Variants in SFMBT2 observed in about 807,000 individuals in gnomAD.
SFMBT2 encodes Scm like with four mbt domains 2.
A neutral mutation model predicts 110.1 loss-of-function variants in SFMBT2; 38 were observed. The observed-to-expected ratio is 0.35, with a 90% CI of 0.27 to 0.45. The LOEUF (loss-of-function observed/expected upper bound fraction) is 0.45, where lower values mean the gene tolerates loss of function less well. Among genes scored for constraint, SFMBT2 ranks in the 20% least tolerant of loss-of-function variants. SFMBT2 has a pLI of 1.00. For synonymous variants in SFMBT2, 425 were observed against 425.4 expected (o/e 1.00, Z 0.01); for missense variants, 1,011 against 1,094.9 (o/e 0.92, Z 1.08).
intron 1 of SFMBT2, among the ~76,000 whole-genome samples, chr10:7,410,361 C>T (rs888594652): frequency 6.6e-6 from 1 of 152,262 alleles, no homozygotes; most frequent in African/African-American, 2.4e-5. Flanking sequence ...CCCACCCAAA[C>T]CAAAAGAAAG....
intron 8 of SFMBT2, among the ~76,000 whole-genome samples, chr10:7,247,679 CAG>C (rs1840661253): frequency 6.6e-6 from 1 of 152,146 alleles, no homozygotes; most frequent in African/African-American, 2.4e-5. Context: ...GAAATTAAAA[CAG>C]ATTTAAATCT....
intron 7 of SFMBT2, among the ~76,000 whole-genome samples, chr10:7,264,516 C>T (rs562055740): frequency 6.6e-6 from 1 of 152,218 alleles, no homozygotes; most frequent in South Asian, 2.1e-4. Flanking sequence ...CCTGTAACCT[C>T]CATGAGGTAC....
At chr10:7,219,180 C>T (rs1839641232) in intron 11 of SFMBT2, among the ~76,000 whole-genome samples, 4 of 152,192 alleles carry the variant, frequency 2.6e-5, no homozygotes. Context: ...GTTCACCCAA[C>T]TCTAGGTGGA....
intron 7 of SFMBT2, among the ~76,000 whole-genome samples, chr10:7,264,461 T>G (rs540478909): frequency 6.6e-6 from 1 of 152,334 alleles, no homozygotes; most frequent in South Asian, 2.1e-4. Context: ...TGCTCTGTTC[T>G]GAGTCCAGAT....
chr10:7,303,965 C>T lies in SFMBT2; in HGVS notation c.437-18011G>A, dbSNP rs150613831. The stretch of plus-strand genomic sequence containing the variant: ...TTCCTGCATGTTACTAAGGATCCTG[C>T]GACACCCGACAGAAGGTGCTGGCCG... On this transcript the variant is annotated intron_variant, in intron 4 of 20. Coordinates refer to ENST00000397167, the MANE Select transcript of SFMBT2 (RefSeq NM_001387889.1). 2.8e-3 allele frequency among the ~76,000 whole-genome samples: 430 copies of T among 152,240 alleles called. 2 individuals are homozygous for T. The highest frequency in any genetic ancestry group is 9.8e-3 in the African/African-American group (406 of 41,526).
At chr10:7,407,457 T>C (rs967869089) in intron 1 of SFMBT2, among the ~76,000 whole-genome samples, 2 of 152,032 alleles carry the variant, frequency 1.3e-5, no homozygotes, top group Non-Finnish European at 2.9e-5. Flanking sequence ...CTCGTCTAAA[T>C]TGGTTTCCCA....
At chr10:7,315,868 C>A (rs377126964) in intron 4 of SFMBT2, among the ~76,000 whole-genome samples, 1 of 152,208 alleles carries the variant, frequency 6.6e-6, no homozygotes, top group East Asian at 1.9e-4. Context: ...TAATGTAAAA[C>A]CTGTACAACA....
Position 7,188,636 on chromosome 10 carries a change from G to A in SFMBT2, c.1796C>T (p.Thr599Met), listed in dbSNP as rs200601568. 372 of 1,612,888 alleles carry A rather than the reference G, an allele frequency of 2.3e-4. 1 individual carries two copies. Among genetic ancestry groups the A allele is most frequent in the South Asian group, 4.7e-4 (43 of 90,872 alleles). Residue 599 changes from threonine to methionine, a missense_variant, in exon 16 of 21, where the codon ACG becomes ATG. Thr to Met is a moderately conservative substitution (Grantham distance 81). This residue lies in a region of SFMBT2 where 979 missense variants were observed against 1,016.1 expected (regional missense o/e 0.96). Coordinates refer to ENST00000397167, the MANE Select transcript of SFMBT2 (RefSeq NM_001387889.1). ...EDPHWNFQEE[T>M]LKAKYRGKTY... ...TGAAAACACTTACTTGGCCTTCAGC[G>A]TCTCTTCCTGGAAATTCCAGTGGGG...
chr10:7,276,116 T>C (rs1243491306), intron 7 of SFMBT2, among the ~76,000 whole-genome samples: 1 of 152,252 alleles, frequency 6.6e-6, no homozygotes, highest in Non-Finnish European at 1.5e-5. Context: ...AGCATAATTT[T>C]TGAAGTGTAA....
chr10:7,172,889 C>G lies in SFMBT2; in HGVS notation c.1985-228G>C, dbSNP rs1038673805. Reference sequence around the variant, plus strand: ...CGTCCCCAGTGTTGAAGCCCAAACCCCCAAAGTGAGTGTATCTGGATGTCC... The same window carrying G: ...CGTCCCCAGTGTTGAAGCCCAAACCGCCAAAGTGAGTGTATCTGGATGTCC... On this transcript the variant is annotated intron_variant, in intron 17 of 20. Transcript: ENST00000397167. The surrounding 1 kb of genome is among the most constrained non-coding windows in gnomAD (Gnocchi z 4.6). 3.3e-5 allele frequency among the ~76,000 whole-genome samples: 5 copies of G among 152,122 alleles called. No individual in the cohort carries two copies. Among genetic ancestry groups the G allele is most frequent in the Non-Finnish European group, 7.4e-5 (5 of 68,018 alleles).
chr10:7,366,698 T>C (rs1328503884), intron 4 of SFMBT2, among the ~76,000 whole-genome samples: 1 of 152,052 alleles, frequency 6.6e-6, no homozygotes, highest in Non-Finnish European at 1.5e-5. Context: ...CTGCCCTCAG[T>C]TTTCTCACTT....
intron 6 of SFMBT2, among the ~76,000 whole-genome samples, chr10:7,283,333 G>A (rs1393649884): frequency 6.6e-6 from 1 of 152,178 alleles, no homozygotes; most frequent in Non-Finnish European, 1.5e-5. Flanking sequence ...TACATGCCAG[G>A]AGAAAACATG....
intron 7 of SFMBT2, among the ~76,000 whole-genome samples, chr10:7,271,839 T>G (rs1470181987): frequency 6.6e-6 from 1 of 152,098 alleles, no homozygotes; most frequent in Non-Finnish European, 1.5e-5. Context: ...ACTCCCATTT[T>G]TAAAACCATC....
intron 8 of SFMBT2, among the ~76,000 whole-genome samples, chr10:7,247,644 G>C (rs1044844041): frequency 2.0e-5 from 3 of 151,990 alleles, no homozygotes; most frequent in African/African-American, 7.3e-5. Flanking sequence ...TTTCCTTAAA[G>C]AAAATCCCGT....
chr10:7,229,265 C>T (rs1211953100), intron 9 of SFMBT2, among the ~76,000 whole-genome samples: 1 of 152,138 alleles, frequency 6.6e-6, no homozygotes, highest in Non-Finnish European at 1.5e-5. Flanking sequence ...TGCAGAGGGA[C>T]TATGGAAATT....
chr10:7,250,539 C>A (rs1840772507), intron 7 of SFMBT2, among the ~76,000 whole-genome samples: 1 of 152,200 alleles, frequency 6.6e-6, no homozygotes, highest in Non-Finnish European at 1.5e-5. Context: ...AATAATGCTG[C>A]AATGAATGTG....
At chr10:7,230,139 G>C (rs1588364446) in intron 9 of SFMBT2, among the ~76,000 whole-genome samples, 1 of 152,106 alleles carries the variant, frequency 6.6e-6, no homozygotes, top group South Asian at 2.1e-4. Context: ...TCAGTGGCAG[G>C]TCCCCTTCTT....
At chr10:7,175,532 G>C (rs1039653758) in intron 17 of SFMBT2, among the ~76,000 whole-genome samples, 1 of 152,162 alleles carries the variant, frequency 6.6e-6, no homozygotes, top group Non-Finnish European at 1.5e-5. Flanking sequence ...TGAGGAAGGC[G>C]TCTAAACATG....
chr10:7,334,082 C>T (rs556150871), intron 4 of SFMBT2, among the ~76,000 whole-genome samples: 16 of 152,324 alleles, frequency 1.1e-4, no homozygotes, highest in Non-Finnish European at 1.5e-4. Flanking sequence ...TCTTCCCCTG[C>T]CTCCGACAAC....
Sources: allele counts gnomAD v4.1 joint callset (sites outside exome capture counted in the v4.1 genomes callset), GRCh38; gene constraint gnomAD v4.1.1; regional missense constraint gnomAD v4.1.1; non-coding constraint Gnocchi (gnomAD v3.1); transcripts MANE v1.5; gene names NCBI Gene and HGNC (gene_info 2026-07-23, HGNC 2026-07-21).